Variants in LRP5 observed in about 807,000 individuals in gnomAD.
The protein encoded by LRP5 is LDL receptor related protein 5, also known as low-density lipoprotein receptor-related protein 5.
LRP5 carries 62 observed loss-of-function variants against 154.1 expected under a neutral mutation model. The observed-to-expected ratio is 0.40, with a 90% CI of 0.33 to 0.50. The LOEUF (loss-of-function observed/expected upper bound fraction) is 0.50. Ranked by LOEUF, LRP5 falls within the 20% of genes least tolerant of loss-of-function variation. LRP5 has a pLI of 0.55. For missense variants in LRP5, 1,915 were observed against 2,336.7 expected (o/e 0.82, Z 3.72); for synonymous variants, 966 against 1,011.5 (o/e 0.96, Z 0.85).
In LRP5 at chr11:68,365,421, G is replaced by A. The variant is rs573505809; in HGVS notation, c.884-150G>A. ...ATGAGGCAGGTGGAATGGTGCCAGCGGGGAGGTCCCTGATGCCACTTGAGG... is the reference window on the plus strand; with the variant it reads ...ATGAGGCAGGTGGAATGGTGCCAGCAGGGAGGTCCCTGATGCCACTTGAGG... On this transcript the variant is annotated intron_variant, in intron 4 of 22. Transcript: ENST00000294304. 8.1e-5 allele frequency: 89 copies of A among 1,102,794 alleles called. No individual in the cohort carries two copies. The African/African-American group carries it at 1.0e-3, about 13-fold the overall frequency. 68.3% of individuals were successfully genotyped at this position (1,102,794 alleles called of 1,614,324 possible).
chr11:68,357,658 A>G lies in LRP5; in HGVS notation c.497A>G (p.Tyr166Cys), dbSNP rs746204905. Residue 166 changes from tyrosine (Y) to cysteine (C), a missense_variant, in exon 3 of 23, where the codon TAC becomes TGC. Physicochemically the swap from Tyr to Cys is radical, Grantham distance 194 (BLOSUM62 -2). Coordinates refer to ENST00000294304, the MANE Select transcript of LRP5 (RefSeq NM_002335.4). ...CCCTGCCCCCGTCACAGGTACATGT[A>G]CTGGACAGACTGGGGTGAGACGCCC... ...IALDPAHGYM[Y>C]WTDWGETPRI... 3 of 1,614,008 alleles carry G rather than the reference A, an allele frequency of 1.9e-6. No homozygotes were observed. The highest frequency in any genetic ancestry group is 1.7e-6 in the Non-Finnish European group (2 of 1,179,944).
chr11:68,336,104 G>C (rs2098605531), intron 1 of LRP5, among the ~76,000 whole-genome samples: 1 of 152,212 alleles, frequency 6.6e-6, no homozygotes, highest in African/African-American at 2.4e-5. Flanking sequence ...GCCCAGGTCT[G>C]GGTTTCTGAA....
chr11:68,354,076 C>T (rs891081754), intron 2 of LRP5, among the ~76,000 whole-genome samples: 5 of 152,178 alleles, frequency 3.3e-5, no homozygotes, highest in African/African-American at 9.7e-5. Context: ...CAGTGGCCCC[C>T]GGGTCTCAAA....
chr11:68,360,114 T>G (rs528461308), intron 3 of LRP5, among the ~76,000 whole-genome samples: 2 of 151,748 alleles, frequency 1.3e-5, no homozygotes, highest in Non-Finnish European at 2.9e-5. Flanking sequence ...TGGGCTCAAG[T>G]GTTCCTCCCG....
At chr11:68,340,949 G>A (rs1369902183) in intron 1 of LRP5, among the ~76,000 whole-genome samples, 1 of 151,198 alleles carries the variant, frequency 6.6e-6, no homozygotes, top group African/African-American at 2.4e-5. Flanking sequence ...GGTTTTTGGT[G>A]TTGACATGTC....
chr11:68,396,462 A>G (rs550889486), intron 7 of LRP5, among the ~76,000 whole-genome samples: 1 of 152,220 alleles, frequency 6.6e-6, no homozygotes, highest in East Asian at 1.9e-4. Flanking sequence ...TCTGCCTTTG[A>G]ACACAATCAG....
chr11:68,300,624 C>T, the LRP5 span, among the ~76,000 whole-genome samples: 4 of 149,494 alleles, frequency 2.7e-5, no homozygotes, highest in Admixed American at 2.7e-4. Flanking sequence ...CCCAAATTCC[C>T]TGCCCAAGCC....
At position 68,386,379 on chromosome 11, in the gene LRP5, C is replaced by T. The variant is rs748782653; in HGVS notation, c.1079C>T (p.Pro360Leu). Residue 360 changes from proline (P) to leucine (L), a missense_variant, in exon 6 of 23, where the codon CCG (proline) becomes CTG (leucine). Around this residue, in one of 3 missense-constraint regions of LRP5, gnomAD observed 773 missense variants for 1,100.9 expected, o/e 0.70. Coordinates refer to ENST00000294304, the MANE Select transcript of LRP5 (RefSeq NM_002335.4). This position sits in a 1 kb window ranked among gnomAD's most constrained non-coding sequence, Gnocchi z 7.9. ...CTACGGAGGATCTCGCTGGACACGC[C>T]GGACTTCACCGACATCGTGCTGCAG... ...TDLRRISLDT[P>L]DFTDIVLQVD... The T allele has an allele frequency of 8.1e-6, 13 of 1,613,598 alleles. No homozygotes were observed. The highest frequency in any genetic ancestry group is 4.4e-5 in the South Asian group (4 of 91,088).
At chr11:68,448,347 G>A (rs1474825095) in intron 22 of LRP5, among the ~76,000 whole-genome samples, 1 of 152,236 alleles carries the variant, frequency 6.6e-6, no homozygotes, top group Non-Finnish European at 1.5e-5. Flanking sequence ...TACAGTAACA[G>A]TGTTAGGTGA....
rs764752565 is a variant in LRP5, at chr11:68,413,502, T to A, written c.2504-187T>A. Among the ~76,000 whole-genome samples, 2 of 152,186 alleles carry A rather than the reference T, an allele frequency of 1.3e-5. No homozygotes were observed. Among genetic ancestry groups the A allele is most frequent in the Non-Finnish European group, 2.9e-5 (2 of 68,034 alleles). Reference sequence around the variant, plus strand: ...AACTGTGTGACTGTAGCCAGGTCACTTAATTTTGCTAGATCCTGCCTGCGC... The same window carrying A: ...AACTGTGTGACTGTAGCCAGGTCACATAATTTTGCTAGATCCTGCCTGCGC... On this transcript the variant is annotated intron_variant, in intron 11 of 22. Transcript: ENST00000294304. This position sits in a 1 kb window ranked among gnomAD's most constrained non-coding sequence, Gnocchi z 5.1.
intron 21 of LRP5, among the ~76,000 whole-genome samples, chr11:68,443,210 A>G (rs1296642223): frequency 6.6e-6 from 1 of 151,964 alleles, no homozygotes; most frequent in African/African-American, 2.4e-5. Context: ...TTGTGTGTTT[A>G]AGAACCTTTG....
rs755219545 is a variant in LRP5, at chr11:68,357,612, CT to C, written c.489-37del. 3.0e-5 allele frequency: 47 copies of C among 1,589,218 alleles called. No homozygotes were observed. The African/African-American group carries it at 5.9e-4, about 20-fold the overall frequency. Reference sequence around the variant, plus strand: ...ATGCAGACAAAAACAAAAAACAGATCTGTGTTAGCTGCTTCTCTTGCCCTGC... The same window carrying C: ...ATGCAGACAAAAACAAAAAACAGATCGTGTTAGCTGCTTCTCTTGCCCTGC... On this transcript the variant is annotated intron_variant, in intron 2 of 22. Transcript: ENST00000294304.
chr11:68,381,665 G>C (rs940449146), intron 5 of LRP5, among the ~76,000 whole-genome samples: 2 of 152,236 alleles, frequency 1.3e-5, no homozygotes, highest in Non-Finnish European at 2.9e-5. Context: ...CAACCCCAAA[G>C]AAAACCATTT....
intron 1 of LRP5, among the ~76,000 whole-genome samples, chr11:68,321,951 G>C (rs761555414): frequency 1.1e-4 from 16 of 152,176 alleles, no homozygotes; most frequent in Admixed American, 3.9e-4. Flanking sequence ...GGCCACCTTG[G>C]GTTCTGCCCC....
chr11:68,409,080 A>ATG, intron 9 of LRP5, among the ~76,000 whole-genome samples: 1 of 41,120 alleles, frequency 2.4e-5, no homozygotes, highest in East Asian at 6.0e-4. Context: ...AAAAATATAT[A>ATG]TATATATATA....
At chr11:68,337,307 T>G (rs1184090357) in intron 1 of LRP5, among the ~76,000 whole-genome samples, 1 of 152,190 alleles carries the variant, frequency 6.6e-6, no homozygotes, top group Non-Finnish European at 1.5e-5. Flanking sequence ...CTCCTGTCCC[T>G]GGGGTTGGGG....
At chr11:68,424,963 A>G (rs1246698451) in intron 14 of LRP5, 139 bp from the exon 15 acceptor site, 6 of 673,260 alleles carry the variant, frequency 8.9e-6, no homozygotes, top group Non-Finnish European at 1.6e-5. Context: ...TTGTTCAACT[A>G]GTATAGAATG....
At chr11:68,363,192 C>T (rs1334941585) in intron 3 of LRP5, among the ~76,000 whole-genome samples, 3 of 152,196 alleles carry the variant, frequency 2.0e-5, no homozygotes, top group Non-Finnish European at 2.9e-5. Flanking sequence ...TGCTTTTTGC[C>T]AGGCATGGCT....
intron 1 of LRP5, among the ~76,000 whole-genome samples, chr11:68,330,128 CGTGTGTGTGCAT>C (rs1349134551): frequency 2.0e-5 from 3 of 152,126 alleles, no homozygotes; most frequent in African/African-American, 7.2e-5. Context: ...TATGTGTGCA[CGTGTGTGTGCAT>C]GCGTGTGTTT....
Sources: allele counts gnomAD v4.1 joint callset (sites outside exome capture counted in the v4.1 genomes callset), GRCh38; gene constraint gnomAD v4.1.1; regional missense constraint gnomAD v4.1.1; non-coding constraint Gnocchi (gnomAD v3.1); transcripts MANE v1.5; gene names NCBI Gene and HGNC (gene_info 2026-07-23, HGNC 2026-07-21).